Variants in EXTL3 observed in about 807,000 individuals in gnomAD.
EXTL3 encodes exostosin-like 3.
EXTL3 carries 27 observed loss-of-function variants against 69.3 expected under a neutral mutation model. The ratio of observed to expected loss-of-function variants is 0.39; its 90% CI spans 0.29 to 0.54. EXTL3 has a LOEUF of 0.54. Ranked by LOEUF, EXTL3 falls within the 20% of genes least tolerant of loss-of-function variation. The pLI, the probability that EXTL3 is intolerant of heterozygous loss-of-function variation, is 0.69. For synonymous variants in EXTL3, 511 were observed against 499.4 expected (o/e 1.02, Z -0.31); for missense variants, 1,003 against 1,231.8 (o/e 0.81, Z 2.78).
At position 28,629,054 on chromosome 8, in the gene EXTL3, G is replaced by T. The variant is rs570540424; in HGVS notation, c.-53+6244G>T. ...TTTAGTTCAACTTCCTCTTTTTACA[G>T]ATGAGAACGGTGAGGCCCGAGCTAT... On this transcript the variant is annotated intron_variant, in intron 1 of 6. Coordinates refer to the EXTL3 transcript ENST00000523149. Among the ~76,000 whole-genome samples the T allele has an allele frequency of 2.0e-5, 3 of 152,276 alleles. No individual in the cohort carries two copies. In the East Asian group the frequency reaches 5.8e-4, roughly 29 times the overall value.
rs1281486643 is a variant in EXTL3 at position 28,753,322 on chromosome 8, C to G, written c.*2456C>G. The G allele has an allele frequency of 6.6e-6, 1 of 152,300 alleles. No homozygotes were observed. The allele number at this position is 152,300 out of a possible 1,614,324, so 9.4% of individuals were successfully genotyped here. A position where few individuals can be genotyped will look rare whatever the true frequency, so the allele number is the denominator to read the frequency against. ...CTGTCTGTGGGCCGCCCCTGGCCACCTTGTCCTGGCTCGCAGGGTGCAGGA... is the reference window on the plus strand; with the variant it reads ...CTGTCTGTGGGCCGCCCCTGGCCACGTTGTCCTGGCTCGCAGGGTGCAGGA... On this transcript the variant is annotated 3_prime_UTR_variant, in exon 7 of 7. Coordinates refer to ENST00000220562, the MANE Select transcript of EXTL3 (RefSeq NM_001440.4).
In EXTL3 at chr8:28,651,595, G is replaced by A. The variant is rs577279132; in HGVS notation, c.-53+28785G>A. On this transcript the variant is annotated intron_variant, in intron 1 of 6. Coordinates refer to the EXTL3 transcript ENST00000523149. Reference sequence around the variant, plus strand: ...CTGCCTCAGCCTTCCAAAGTGCTGGGATTATAAGCATGAGCCACCATGCCT... The same window carrying A: ...CTGCCTCAGCCTTCCAAAGTGCTGGAATTATAAGCATGAGCCACCATGCCT... 6.6e-5 allele frequency among the ~76,000 whole-genome samples: 10 copies of A among 152,214 alleles called. No individual in the cohort carries two copies. In the East Asian group the frequency reaches 1.9e-3, roughly 29 times the overall value.
chr8:28,709,919 C>G (rs1800999507), intron 1 of EXTL3, among the ~76,000 whole-genome samples: 1 of 152,186 alleles, frequency 6.6e-6, no homozygotes, highest in Non-Finnish European at 1.5e-5. Flanking sequence ...GCCCACCGCT[C>G]AGACTCTCGA....
At chr8:28,701,495 C>A (rs530694451), upstream of EXTL3, 11 of 152,518 alleles carry the variant, frequency 7.2e-5, no homozygotes, top group South Asian at 1.3e-3. Context: ...CGCCCTTCGG[C>A]AAGTTCCGCA....
intron 6 of EXTL3, among the ~76,000 whole-genome samples, chr8:28,744,547 C>T (rs920526920): frequency 3.3e-5 from 5 of 152,216 alleles, no homozygotes; most frequent in Non-Finnish European, 7.3e-5. Context: ...ATAATCCCAG[C>T]ACTTTGGAAG....
intron 1 of EXTL3, among the ~76,000 whole-genome samples, chr8:28,683,240 T>A (rs1807521859): frequency 6.6e-6 from 1 of 152,194 alleles, no homozygotes; most frequent in Admixed American, 6.5e-5. Context: ...GGGTCTTTTG[T>A]GTTTTCATAT....
At chr8:28,709,861 C>G (rs745985634) in intron 1 of EXTL3, among the ~76,000 whole-genome samples, 39 of 152,102 alleles carry the variant, frequency 2.6e-4, no homozygotes, top group African/African-American at 8.9e-4. Context: ...AAGGGGAACA[C>G]CAGCACGTGC....
chr8:28,741,425 A>T (rs1158026580), intron 5 of EXTL3: 1 of 152,152 alleles, frequency 6.6e-6, no homozygotes, highest in African/African-American at 2.4e-5. Flanking sequence ...TACCTTTTTT[A>T]AAAAGTGTAT....
Position 28,716,140 on chromosome 8 carries a change from C to T in EXTL3, c.81C>T (p.Ile27=), listed in dbSNP as rs780999351. The T allele has an allele frequency of 2.2e-5, 36 of 1,614,038 alleles. 1 individual carries two copies. The South Asian group carries it at 3.8e-4, about 17-fold the overall frequency. The part of the protein sequence containing the change: ...QTCMLRWSNR[I]RLTWLSFTLF... ...GCATGCTGCGCTGGTCCAACCGCAT[C>T]CGCCTCACGTGGCTCAGCTTCACGC... is the stretch of plus-strand genomic sequence containing the variant. The change falls in exon 3 of 7, where the codon ATC becomes ATT. Residue 27 remains isoleucine, a synonymous_variant. Coordinates refer to ENST00000220562, the MANE Select transcript of EXTL3 (RefSeq NM_001440.4). This position sits in a 1 kb window ranked among gnomAD's most constrained non-coding sequence, Gnocchi z 7.1.
chr8:28,679,287 A>AAAGG (rs1411873343), intron 1 of EXTL3, among the ~76,000 whole-genome samples: 6 of 152,168 alleles, frequency 3.9e-5, no homozygotes, highest in African/African-American at 1.4e-4. Context: ...CTCTACTAAA[A>AAAGG]ATACAAAAAT....
chr8:28,716,665 C>A lies in EXTL3; in HGVS notation c.606C>A (p.Asp202Glu). 1 of 1,614,228 alleles carries A rather than the reference C, an allele frequency of 6.2e-7. No individual in the cohort carries two copies. The highest frequency in any genetic ancestry group is 8.5e-7 in the Non-Finnish European group (1 of 1,180,052). Residue 202 changes from aspartate to glutamate, a missense_variant, in exon 3 of 7, where the codon GAC (aspartate) becomes GAA (glutamate). Physicochemically the swap from Asp to Glu is conservative, Grantham distance 45 (BLOSUM62 2). Transcript: ENST00000220562. The surrounding 1 kb of genome is among the most constrained non-coding windows in gnomAD (Gnocchi z 7.1). Reference protein sequence around the residue: ...SGFPVYVYDSDQFVFGSYLDP... With the variant: ...SGFPVYVYDSEQFVFGSYLDP... ...TCCCGGTCTACGTCTATGACAGTGA[C>A]CAGTTTGTCTTTGGCAGCTACCTGG...
chr8:28,660,003 C>T lies in EXTL3; in HGVS notation c.-53+37193C>T, dbSNP rs567181059. On this transcript the variant is annotated intron_variant, in intron 1 of 6. Transcript: ENST00000523149. ...AATCTACATGCAACATTTTACTATA[C>T]GTTTAAATAGTTGTAAGGATATGTT... 2.0e-5 allele frequency among the ~76,000 whole-genome samples: 3 copies of T among 152,190 alleles called. No homozygotes were observed. In the East Asian group the frequency reaches 5.8e-4, roughly 29 times the overall value.
intron 3 of EXTL3, among the ~76,000 whole-genome samples, chr8:28,724,725 A>G (rs1253833080): frequency 6.6e-6 from 1 of 152,108 alleles, no homozygotes; most frequent in African/African-American, 2.4e-5. Flanking sequence ...GTTTGAACCC[A>G]GGAGGCAGAG....
chr8:28,671,309 G>GTTTTTTTT (rs749395423), intron 1 of EXTL3, among the ~76,000 whole-genome samples: 305 of 89,536 alleles, frequency 3.4e-3, no homozygotes, highest in East Asian at 0.011. Flanking sequence ...TTTGTTTTTT[G>GTTTTTTTT]TTTTTTTTTT....
chr8:28,714,339 A>G (rs896380111), intron 2 of EXTL3, among the ~76,000 whole-genome samples: 2 of 152,252 alleles, frequency 1.3e-5, no homozygotes, highest in East Asian at 1.9e-4. Context: ...ATTCTGAAAC[A>G]TAATTAAAAT....
At chr8:28,639,474 A>G (rs1403958956) in intron 1 of EXTL3, among the ~76,000 whole-genome samples, 1 of 152,114 alleles carries the variant, frequency 6.6e-6, no homozygotes, top group East Asian at 1.9e-4. Context: ...CATCCCTTCG[A>G]TATACAAAGC....
At chr8:28,624,430 G>T (rs1316346882) in intron 1 of EXTL3, among the ~76,000 whole-genome samples, 1 of 152,134 alleles carries the variant, frequency 6.6e-6, no homozygotes, top group African/African-American at 2.4e-5. Flanking sequence ...CGGCATGGTA[G>T]TGAGCACCTG....
chr8:28,720,150 G>A (rs1215205216), intron 3 of EXTL3, among the ~76,000 whole-genome samples: 1 of 152,102 alleles, frequency 6.6e-6, no homozygotes, highest in Non-Finnish European at 1.5e-5. Context: ...GGGAACAGTT[G>A]AAGTTGCTGA....
At chr8:28,676,458 G>A (rs1807384392) in intron 1 of EXTL3, among the ~76,000 whole-genome samples, 1 of 152,180 alleles carries the variant, frequency 6.6e-6, no homozygotes, top group South Asian at 2.1e-4. Context: ...TATTGACATT[G>A]ATGCAGAGTG....
Sources: gnomAD v4.1 joint callset for allele counts (sites outside exome capture counted in the v4.1 genomes callset) on GRCh38, gnomAD v4.1.1 for gene constraint, Gnocchi (gnomAD v3.1) non-coding constraint, MANE v1.5 for transcripts, NCBI Gene and HGNC (gene_info 2026-07-23, HGNC 2026-07-21) for gene names.